ZMIZ1: variants seen among roughly 807,000 people sequenced by gnomAD.
The protein encoded by ZMIZ1 is zinc finger MIZ-type containing 1.
A neutral mutation model predicts 113.9 loss-of-function variants in ZMIZ1; 17 were observed. That is an observed-to-expected ratio of 0.15 (90% CI 0.10 to 0.22). The LOEUF (loss-of-function observed/expected upper bound fraction) is 0.22. Among genes scored for constraint, ZMIZ1 ranks in the 10% least tolerant of loss-of-function variants. ZMIZ1 has a pLI of 1.00. For synonymous variants in ZMIZ1, 607 were observed against 603.1 expected, an observed-to-expected ratio of 1.01 and a Z score of -0.09; for missense variants, 1,059 against 1,477.8, an observed-to-expected ratio of 0.72 and a Z score of 4.65.
intron 7 of ZMIZ1, among the ~76,000 whole-genome samples, chr10:79,224,698 A>G (rs1849132145): frequency 6.6e-6 from 1 of 152,182 alleles, no homozygotes; most frequent in South Asian, 2.1e-4. Flanking sequence ...AGTGAGTAGG[A>G]GTAGGCATTA....
chr10:79,157,193 G>A (rs901775557), intron 3 of ZMIZ1, among the ~76,000 whole-genome samples: 7 of 152,162 alleles, frequency 4.6e-5, no homozygotes, highest in African/African-American at 1.2e-4. Context: ...TCTGCTGAGC[G>A]ATTTCTTCCT....
intron 3 of ZMIZ1, among the ~76,000 whole-genome samples, chr10:79,143,324 G>T (rs1194291445): frequency 6.6e-6 from 1 of 152,080 alleles, no homozygotes; most frequent in East Asian, 1.9e-4. Context: ...ACAGGAGAGG[G>T]CTCCCCGAGA....
intron 1 of ZMIZ1, among the ~76,000 whole-genome samples, chr10:79,114,983 G>T (rs1254925264): frequency 1.3e-5 from 2 of 152,154 alleles, no homozygotes; most frequent in African/African-American, 4.8e-5. Flanking sequence ...TTAAATTTCT[G>T]GGCTGTGTTC....
In ZMIZ1 at chr10:79,291,090, A is replaced by C. The variant is rs958977574; in HGVS notation, c.672A>C (p.Ser224=). ...PQFAGQQQQF[S]AKAGPAQPYI... ...TTGCGGGGCAGCAGCAGCAGTTCTC[A>C]GCCAAGGCTGGCCCCGCTCAGCCCT... Residue 224 remains serine (S), a synonymous_variant, in exon 10 of 25, where the codon TCA becomes TCC. Coordinates refer to ENST00000334512, the MANE Select transcript of ZMIZ1 (RefSeq NM_020338.4). 6.2e-7 allele frequency: 1 copy of C among 1,614,224 alleles called. No individual in the cohort carries two copies. The highest frequency in any genetic ancestry group is 8.5e-7 in the Non-Finnish European group (1 of 1,180,042).
intron 2 of ZMIZ1, among the ~76,000 whole-genome samples, chr10:79,122,439 A>C (rs1361014340): frequency 6.6e-6 from 1 of 151,868 alleles, no homozygotes; most frequent in African/African-American, 2.4e-5. Flanking sequence ...GCTTTTCCAA[A>C]TCCACCTGGC....
chr10:79,173,760 A>G (rs961276458), intron 4 of ZMIZ1, among the ~76,000 whole-genome samples: 41 of 152,212 alleles, frequency 2.7e-4, no homozygotes, highest in Admixed American at 1.3e-3. Context: ...TAATCTTCAT[A>G]GAAATCTGTT....
chr10:79,200,635 G>A (rs1311209047), intron 4 of ZMIZ1, among the ~76,000 whole-genome samples: 2 of 152,146 alleles, frequency 1.3e-5, no homozygotes, highest in Admixed American at 6.5e-5. Flanking sequence ...CACTTGATGT[G>A]CCACCCTGGC....
Position 79,313,120 on chromosome 10 carries a change from G to C in ZMIZ1, c.*371G>C, listed in dbSNP as rs1233665164. On this transcript the variant is annotated 3_prime_UTR_variant, in exon 25 of 25. Coordinates refer to ENST00000334512, the MANE Select transcript of ZMIZ1 (RefSeq NM_020338.4). Reference sequence around the variant, plus strand: ...CAGATGACCTTCCAGTGTCCCCAAGGTTCTTCCATCTTCTAGACTGTAACC... The same window carrying C: ...CAGATGACCTTCCAGTGTCCCCAAGCTTCTTCCATCTTCTAGACTGTAACC... 1 of 228,774 alleles carries C rather than the reference G, an allele frequency of 4.4e-6. No homozygotes were observed. The highest frequency in any genetic ancestry group is 8.7e-6 in the Non-Finnish European group (1 of 114,516). The allele number at this position is 228,774 out of a possible 1,614,324, so 14.2% of individuals were successfully genotyped here.
intron 8 of ZMIZ1, among the ~76,000 whole-genome samples, chr10:79,282,177 A>G (rs760979582): frequency 2.8e-4 from 43 of 152,360 alleles, no homozygotes; most frequent in Admixed American, 5.9e-4. Flanking sequence ...GCAATTTCCC[A>G]AACAAGACGG....
chr10:79,104,005 A>G (rs1032545733), intron 1 of ZMIZ1, among the ~76,000 whole-genome samples: 3 of 152,218 alleles, frequency 2.0e-5, no homozygotes, highest in Non-Finnish European at 4.4e-5. Context: ...ATGAACTAGC[A>G]ACTATGAACT....
intron 19 of ZMIZ1, 89 bp from the exon 20 acceptor site, chr10:79,305,075 G>A: frequency 7.0e-7 from 1 of 1,435,894 alleles, no homozygotes. Flanking sequence ...TTTCTCTCTG[G>A]TGGGGAAGTT....
At chr10:79,293,296 CCCTT>C (rs1233921402) in intron 11 of ZMIZ1, 81 bp from the exon 12 acceptor site, 7 of 1,445,758 alleles carry the variant, frequency 4.8e-6, no homozygotes. Flanking sequence ...ACCTCCCCAA[CCCTT>C]CCCTCCCTGC....
intron 7 of ZMIZ1, among the ~76,000 whole-genome samples, chr10:79,260,867 T>C (rs1049055724): frequency 6.6e-6 from 1 of 152,194 alleles, no homozygotes; most frequent in Non-Finnish European, 1.5e-5. Flanking sequence ...GGGCAGGTTT[T>C]CTTAACCTCT....
chr10:79,097,496 C>G (rs1477711017), intron 1 of ZMIZ1, among the ~76,000 whole-genome samples: 1 of 152,184 alleles, frequency 6.6e-6, no homozygotes, highest in African/African-American at 2.4e-5. Flanking sequence ...TTGGGCCTTG[C>G]TCAAAACTAG....
At chr10:79,139,656 G>A (rs60698273) in intron 2 of ZMIZ1, 26 bp from the exon 3 acceptor site, 5,081 of 398,576 alleles carry the variant, frequency 0.013, 220 homozygotes, top group African/African-American at 0.092. Flanking sequence ...TCTCACACAC[G>A]TCTCATCTCT....
At chr10:79,197,162 A>G (rs906391963) in intron 4 of ZMIZ1, among the ~76,000 whole-genome samples, 7 of 152,188 alleles carry the variant, frequency 4.6e-5, no homozygotes, top group African/African-American at 1.7e-4. Flanking sequence ...TCCTCCAGCT[A>G]GGAGCTGAGC....
chr10:79,106,581 G>C (rs1236498645), intron 1 of ZMIZ1, among the ~76,000 whole-genome samples: 1 of 152,246 alleles, frequency 6.6e-6, no homozygotes, highest in Admixed American at 6.5e-5. Flanking sequence ...GCTCCTATAA[G>C]AACTTAGCAG....
chr10:79,144,007 G>GGAGCCAGACCCC (rs1845380565), intron 3 of ZMIZ1, among the ~76,000 whole-genome samples: 1 of 152,148 alleles, frequency 6.6e-6, no homozygotes, highest in Non-Finnish European at 1.5e-5. Context: ...ACTCTGCATC[G>GGAGCCAGACCCC]GGGACTAGGG....
rs369468361 is a variant in ZMIZ1 at position 79,080,346 on chromosome 10, A to G, written c.-337+11076A>G. Among the ~76,000 whole-genome samples the G allele has an allele frequency of 1.4e-3, 161 of 119,002 alleles. 2 individuals are homozygous for G. The highest frequency in any genetic ancestry group is 5.2e-3 in the African/African-American group (153 of 29,590). 78.1% of individuals were successfully genotyped at this position (119,002 alleles called of 152,430 possible). A position where few individuals can be genotyped will look rare whatever the true frequency, so the allele number is the denominator to read the frequency against. On this transcript the variant is annotated intron_variant, in intron 1 of 24. Transcript: ENST00000334512. ...TTTTGAGACTGAGTCTTGCTTTGTC[A>G]CCCAGGCTGGAGTTCAGTGGCACGA...
Sources: gnomAD v4.1 joint callset for allele counts (sites outside exome capture counted in the v4.1 genomes callset) on GRCh38, gnomAD v4.1.1 for gene constraint, MANE v1.5 for transcripts, NCBI Gene and HGNC (gene_info 2026-07-23, HGNC 2026-07-21) for gene names.